ARMH4: variants seen among roughly 807,000 people sequenced by gnomAD.
ARMH4 encodes armadillo like helical domain containing 4.
ARMH4 carries 49 observed loss-of-function variants against 61.9 expected under a neutral mutation model. That is an observed-to-expected ratio of 0.79 (90% CI 0.63 to 1.00). ARMH4 has a LOEUF of 1.00. Among genes scored for constraint, ARMH4 ranks in the 50% least tolerant of loss-of-function variants. The pLI, the probability that ARMH4 is intolerant of heterozygous loss-of-function variation, is 0.00. For synonymous variants in ARMH4, 368 were observed against 341.5 expected (o/e 1.08, Z -0.85); for missense variants, 934 against 930.0 (o/e 1.00, Z -0.06).
At chr14:58,048,925 A>G (rs778953125) in intron 5 of ARMH4, among the ~76,000 whole-genome samples, 1 of 152,150 alleles carries the variant, frequency 6.6e-6, no homozygotes, top group Non-Finnish European at 1.5e-5. Flanking sequence ...CTGATGAGAG[A>G]AACAAATTTA....
chr14:58,022,111 G>A (rs532401998), intron 5 of ARMH4, among the ~76,000 whole-genome samples: 2 of 152,280 alleles, frequency 1.3e-5, no homozygotes, highest in East Asian at 3.9e-4. Context: ...TCCTTCTAGA[G>A]GCTCTAGGAG....
intron 1 of ARMH4, among the ~76,000 whole-genome samples, chr14:58,140,997 C>T (rs910950768): frequency 4.6e-5 from 7 of 152,012 alleles, no homozygotes; most frequent in Admixed American, 4.6e-4. Context: ...GAAAGTGGGC[C>T]CTACCCAGAC....
intron 1 of ARMH4, among the ~76,000 whole-genome samples, chr14:58,144,988 G>A (rs537912650): frequency 1.3e-5 from 2 of 152,060 alleles, no homozygotes; most frequent in East Asian, 1.9e-4. Context: ...CTATATAGTC[G>A]AACAGTCATA....
At chr14:58,102,997 G>A (rs1438520506) in intron 4 of ARMH4, among the ~76,000 whole-genome samples, 1 of 151,872 alleles carries the variant, frequency 6.6e-6, no homozygotes, top group Non-Finnish European at 1.5e-5. Context: ...GCTGGACGTG[G>A]TGATGCATGC....
Position 58,133,273 on chromosome 14 carries a change from CT to C in ARMH4, c.1437del (p.Glu480SerfsTer82). On this transcript the variant is annotated frameshift_variant, in exon 3 of 8. Transcript: ENST00000267485. LOFTEE classifies it high-confidence loss of function. ...ATAAGCTCGAGGGTAGCAACCTGCT[CT>C]TGTGTCACCATGGATAAAGTGGCAT... ...EPDATLSMVT[Q>X]EQVATLELIR... The C allele has an allele frequency of 6.2e-7, 1 of 1,614,056 alleles. No homozygotes were observed. The highest frequency in any genetic ancestry group is 8.5e-7 in the Non-Finnish European group (1 of 1,180,030).
chr14:58,002,447 G>A lies in ARMH4; in HGVS notation c.*2289C>T, dbSNP rs955601941. 6.6e-6 allele frequency: 1 copy of A among 151,970 alleles called. No homozygotes were observed. Among genetic ancestry groups the A allele is most frequent in the Non-Finnish European group, 1.5e-5 (1 of 68,014 alleles). 9.4% of individuals were successfully genotyped at this position (151,970 alleles called of 1,614,324 possible). ...AAATTCACATACATGTCATCCTCAC[G>A]GACCTCTGAGAAATGAAAATATGGG... On this transcript the variant is annotated 3_prime_UTR_variant, in exon 8 of 8. Coordinates refer to ENST00000267485, the MANE Select transcript of ARMH4 (RefSeq NM_001001872.4).
intron 4 of ARMH4, among the ~76,000 whole-genome samples, chr14:58,099,771 A>C (rs2141268776): frequency 6.6e-6 from 1 of 152,262 alleles, no homozygotes; most frequent in Non-Finnish European, 1.5e-5. Flanking sequence ...GAAAGACAGA[A>C]GCAGCTGCGG....
At chr14:58,114,749 A>C (rs1011515279) in intron 4 of ARMH4, among the ~76,000 whole-genome samples, 2 of 152,110 alleles carry the variant, frequency 1.3e-5, no homozygotes, top group South Asian at 2.1e-4. Context: ...TGTTATTATT[A>C]AATATTACCT....
At chr14:58,066,969 G>C (rs1043662355) in intron 5 of ARMH4, among the ~76,000 whole-genome samples, 1 of 152,150 alleles carries the variant, frequency 6.6e-6, no homozygotes, top group African/African-American at 2.4e-5. Flanking sequence ...GTAACTTAGA[G>C]TGACCTGATA....
chr14:58,122,415 G>A (rs941593796), intron 4 of ARMH4, among the ~76,000 whole-genome samples: 3 of 152,132 alleles, frequency 2.0e-5, no homozygotes, highest in Non-Finnish European at 4.4e-5. Context: ...GAGGCATTGA[G>A]AAAGCATACC....
At chr14:58,123,570 G>T (rs571386651) in intron 4 of ARMH4, among the ~76,000 whole-genome samples, 1 of 152,296 alleles carries the variant, frequency 6.6e-6, no homozygotes, top group East Asian at 1.9e-4. Flanking sequence ...AGACCCAGCT[G>T]TACCTAACCC....
In ARMH4 at chr14:58,002,006, T is replaced by C. The variant is rs1005523927; in HGVS notation, c.*2730A>G. 1 of 152,214 alleles carries C rather than the reference T, an allele frequency of 6.6e-6. No homozygotes were observed. Among genetic ancestry groups the C allele is most frequent in the East Asian group, 1.9e-4 (1 of 5,196 alleles). 9.4% of individuals were successfully genotyped at this position (152,214 alleles called of 1,614,324 possible). ...TCACTGTTAAATGTTTTAAGCCTAG[T>C]TGTTTGAATAAAAAGTTGACTTTCT... On this transcript the variant is annotated 3_prime_UTR_variant, in exon 8 of 8. Transcript: ENST00000267485.
intron 5 of ARMH4, among the ~76,000 whole-genome samples, chr14:58,012,891 T>C (rs182452066): frequency 2.0e-5 from 3 of 152,324 alleles, no homozygotes; most frequent in African/African-American, 4.8e-5. Context: ...TTTTGAAATA[T>C]GTGTTAGAAT....
intron 5 of ARMH4, among the ~76,000 whole-genome samples, chr14:58,073,886 T>C (rs1884963710): frequency 6.6e-6 from 1 of 152,216 alleles, no homozygotes; most frequent in Non-Finnish European, 1.5e-5. Flanking sequence ...ATCTCAATGC[T>C]AGGGTTGTTA....
intron 1 of ARMH4, among the ~76,000 whole-genome samples, chr14:58,139,890 C>G (rs936338025): frequency 6.6e-6 from 1 of 152,142 alleles, no homozygotes; most frequent in African/African-American, 2.4e-5. Context: ...TAATCAGCAA[C>G]ATGGTAGTAT....
intron 2 of ARMH4, among the ~76,000 whole-genome samples, 175 bp from the exon 3 acceptor site, chr14:58,133,516 G>A (rs903560171): frequency 1.3e-5 from 2 of 152,128 alleles, no homozygotes; most frequent in East Asian, 1.9e-4. Flanking sequence ...TCTCTGTCAC[G>A]CTTTCAGTAG....
At chr14:58,093,160 G>A (rs1885630954) in intron 5 of ARMH4, among the ~76,000 whole-genome samples, 1 of 152,150 alleles carries the variant, frequency 6.6e-6, no homozygotes, top group Non-Finnish European at 1.5e-5. Context: ...CTTCTGCCAT[G>A]ATTGTAAATT....
intron 4 of ARMH4, among the ~76,000 whole-genome samples, chr14:58,115,221 A>T (rs548253231): frequency 6.6e-6 from 1 of 152,076 alleles, no homozygotes; most frequent in Non-Finnish European, 1.5e-5. Flanking sequence ...TCCAGAATCT[A>T]TGAGAAATTT....
At chr14:58,010,247 TA>T (rs1882355450) in intron 6 of ARMH4, among the ~76,000 whole-genome samples, 1 of 31,196 alleles carries the variant, frequency 3.2e-5, no homozygotes, top group Non-Finnish European at 8.6e-5. Context: ...AAGATATATG[TA>T]TATATATATA....
Sources: allele counts gnomAD v4.1 joint callset (sites outside exome capture counted in the v4.1 genomes callset), GRCh38; gene constraint gnomAD v4.1.1; transcripts MANE v1.5; gene names NCBI Gene and HGNC (gene_info 2026-07-23, HGNC 2026-07-21).